Variants in TRIM2 observed in about 807,000 individuals in gnomAD.
The protein encoded by TRIM2 is tripartite motif-containing protein 2.
Under a neutral mutation model 75.2 loss-of-function variants are expected in TRIM2, and 20 were observed. The ratio of observed to expected loss-of-function variants is 0.27; its 90% confidence interval spans 0.19 to 0.39. The LOEUF is 0.39. Among genes scored for constraint, TRIM2 ranks in the 10% least tolerant of loss-of-function variants. TRIM2 has a pLI of 1.00. For synonymous variants in TRIM2, 373 were observed against 388.3 expected, an observed-to-expected ratio of 0.96 and a Z score of 0.46; for missense variants, 660 against 990.8, an observed-to-expected ratio of 0.67 and a Z score of 4.48.
intron 1 of TRIM2, chr4:153,257,638 G>A: frequency 8.0e-7 from 1 of 1,257,556 alleles, no homozygotes; most frequent in Non-Finnish European, 1.0e-6. Context: ...TCTTTGCATG[G>A]TGCTTCCCAA....
At chr4:153,165,580 A>G (rs1309145387) in intron 1 of TRIM2, among the ~76,000 whole-genome samples, 1 of 152,086 alleles carries the variant, frequency 6.6e-6, no homozygotes, top group African/African-American at 2.4e-5. Context: ...CCATCCTCCC[A>G]TCTAAGCCTC....
At chr4:153,178,293 A>AC (rs1257536344) in intron 1 of TRIM2, among the ~76,000 whole-genome samples, 3 of 151,760 alleles carry the variant, frequency 2.0e-5, no homozygotes, top group Non-Finnish European at 4.4e-5. Flanking sequence ...TCAAGCATGC[A>AC]CCCCCAGCGC....
At chr4:153,284,635 C>G (rs1291375361) in intron 3 of TRIM2, among the ~76,000 whole-genome samples, 4 of 152,194 alleles carry the variant, frequency 2.6e-5, no homozygotes, top group African/African-American at 9.7e-5. Flanking sequence ...ACTTTTGATT[C>G]TAGTGAGTAT....
At chr4:153,221,846 G>A (rs755706720) in intron 1 of TRIM2, among the ~76,000 whole-genome samples, 19 of 107,700 alleles carry the variant, frequency 1.8e-4, no homozygotes, top group African/African-American at 5.4e-4. Context: ...GAAGGAAAGC[G>A]CGAGGAAAGA....
At chr4:153,181,293 CT>C (rs796704793) in intron 1 of TRIM2, among the ~76,000 whole-genome samples, 12 of 152,356 alleles carry the variant, frequency 7.9e-5, no homozygotes, top group African/African-American at 2.9e-4. Context: ...TAACTGTGCT[CT>C]CCTGCTCTCT....
chr4:153,308,778 G>A, intron 6 of TRIM2: 1 of 507,830 alleles, frequency 2.0e-6, no homozygotes, highest in Non-Finnish European at 4.0e-6. Context: ...AGGAAGCTGG[G>A]CTGGGCACCA....
chr4:153,225,805 G>C (rs1318074632), intron 1 of TRIM2, among the ~76,000 whole-genome samples: 2 of 152,126 alleles, frequency 1.3e-5, no homozygotes, highest in African/African-American at 2.4e-5. Context: ...CAAATATTTT[G>C]TATTACTAAT....
chr4:153,282,286 A>G (rs1412346042), intron 3 of TRIM2, among the ~76,000 whole-genome samples: 1 of 152,266 alleles, frequency 6.6e-6, no homozygotes, highest in Non-Finnish European at 1.5e-5. Flanking sequence ...ATGACTAGCT[A>G]TTGATAATTC....
intron 8 of TRIM2, among the ~76,000 whole-genome samples, chr4:153,317,510 G>A (rs973025003): frequency 5.9e-5 from 9 of 151,842 alleles, no homozygotes; most frequent in Non-Finnish European, 1.0e-4. Flanking sequence ...TTAGCCGGCC[G>A]TGGTGGCGTG....
chr4:153,177,653 A>T (rs116322827), intron 1 of TRIM2, among the ~76,000 whole-genome samples: 14 of 152,034 alleles, frequency 9.2e-5, no homozygotes, highest in African/African-American at 3.4e-4. Flanking sequence ...CTCCAAAAAA[A>T]AAAAAATCAG....
chr4:153,299,234 A>G (rs1763372422), intron 6 of TRIM2, among the ~76,000 whole-genome samples: 1 of 152,020 alleles, frequency 6.6e-6, no homozygotes, highest in Admixed American at 6.6e-5. Context: ...TATAAGTGAG[A>G]TCATGTATTA....
chr4:153,235,459 T>G (rs1043616385), intron 1 of TRIM2, among the ~76,000 whole-genome samples: 1 of 151,898 alleles, frequency 6.6e-6, no homozygotes, highest in Non-Finnish European at 1.5e-5. Context: ...TAATTTTTTG[T>G]ATTTTTCATA....
chr4:153,266,217 T>C (rs1488769809), intron 1 of TRIM2, among the ~76,000 whole-genome samples: 1 of 152,188 alleles, frequency 6.6e-6, no homozygotes, highest in Non-Finnish European at 1.5e-5. Flanking sequence ...TGCCCCAGGC[T>C]GGAGTGCAGG....
intron 8 of TRIM2, among the ~76,000 whole-genome samples, chr4:153,318,483 G>A (rs1020105793): frequency 2.0e-5 from 3 of 152,034 alleles, no homozygotes; most frequent in Non-Finnish European, 4.4e-5. Context: ...TCTGTATGAT[G>A]ACCACATATA....
chr4:153,276,264 C>A, intron 3 of TRIM2, 134 bp downstream of exon 3: 2 of 739,982 alleles, frequency 2.7e-6, no homozygotes, highest in South Asian at 3.4e-5. Context: ...AAGATTTTTA[C>A]CAGCCCTCAG....
intron 1 of TRIM2, among the ~76,000 whole-genome samples, chr4:153,239,059 A>G (rs1187290187): frequency 6.6e-6 from 1 of 152,120 alleles, no homozygotes; most frequent in Non-Finnish European, 1.5e-5. Flanking sequence ...TTAGTTAGAA[A>G]ATAACTCTGG....
chr4:153,220,101 G>A (rs1475269468), intron 1 of TRIM2, among the ~76,000 whole-genome samples: 2 of 152,152 alleles, frequency 1.3e-5, no homozygotes, highest in East Asian at 1.9e-4. Flanking sequence ...TTAAGAGACG[G>A]GGAGTTCATT....
At chr4:153,262,632 A>G (rs1177307193) in intron 1 of TRIM2, among the ~76,000 whole-genome samples, 1 of 152,220 alleles carries the variant, frequency 6.6e-6, no homozygotes, top group Non-Finnish European at 1.5e-5. Flanking sequence ...ACCTGTGGCT[A>G]CATGGCTCCT....
At chr4:153,154,126 G>A (rs1322139077) in intron 1 of TRIM2, among the ~76,000 whole-genome samples, 2 of 152,158 alleles carry the variant, frequency 1.3e-5, no homozygotes, top group African/African-American at 4.8e-5. Context: ...AAAGAAACTC[G>A]GCCCTTCCCT....
Sources: allele counts gnomAD v4.1 joint callset (sites outside exome capture counted in the v4.1 genomes callset), GRCh38; gene constraint gnomAD v4.1.1; transcripts MANE v1.5; gene names NCBI Gene and HGNC (gene_info 2026-07-23, HGNC 2026-07-21).